The following ANAPC10 variants were observed in gnomAD, a reference collection of about 807,000 sequenced individuals.
ANAPC10 encodes the protein anaphase promoting complex subunit 10.
A neutral mutation model predicts 22.0 loss-of-function variants in ANAPC10; 12 were observed. The ratio of observed to expected loss-of-function variants is 0.55; its 90% CI spans 0.35 to 0.88. The LOEUF (loss-of-function observed/expected upper bound fraction) is 0.88, where lower values mean the gene tolerates loss of function less well. Ranked by LOEUF, ANAPC10 falls within the 40% of genes least tolerant of loss-of-function variation. The probability of loss-of-function intolerance (pLI) is 0.01; values close to 1 mark genes in which losing one functional copy is unlikely to be tolerated. For missense variants in ANAPC10, 188 were observed against 220.9 expected (o/e 0.85, Z 0.94); for synonymous variants, 65 against 69.5 (o/e 0.94, Z 0.32).
chr4:145,016,541 T>C (rs577785187), intron 4 of ANAPC10, among the ~76,000 whole-genome samples: 405 of 152,240 alleles, frequency 2.7e-3, no homozygotes, highest in African/African-American at 9.1e-3. Flanking sequence ...AATGGCCATA[T>C]TGCCCAAGGT....
intron 4 of ANAPC10, among the ~76,000 whole-genome samples, chr4:145,009,654 C>T (rs1733982024): frequency 6.6e-6 from 1 of 152,096 alleles, no homozygotes; most frequent in African/African-American, 2.4e-5. Flanking sequence ...TTCCTTACAC[C>T]TTACACAAAA....
chr4:145,004,947 G>A (rs1443581274), intron 4 of ANAPC10, among the ~76,000 whole-genome samples: 2 of 152,240 alleles, frequency 1.3e-5, no homozygotes, highest in East Asian at 3.9e-4. Flanking sequence ...AGTAGAATTT[G>A]GCTATGGATA....
chr4:145,097,514 A>G, intron 1 of ANAPC10: 1 of 1,287,208 alleles, frequency 7.8e-7, no homozygotes, highest in Non-Finnish European at 1.0e-6. Context: ...GACACCTCCC[A>G]TTGTATCCGA....
At chr4:145,010,527 C>T (rs555330385) in intron 4 of ANAPC10, among the ~76,000 whole-genome samples, 1 of 152,238 alleles carries the variant, frequency 6.6e-6, no homozygotes, top group South Asian at 2.1e-4. Flanking sequence ...TTTGTAGGGA[C>T]ATGCATGAAG....
At position 145,026,957 on chromosome 4, in the gene ANAPC10, G is replaced by GTGTGTATATA. The variant is rs1343774253; in HGVS notation, c.328-31355_328-31354insTATATACACA. Among the ~76,000 whole-genome samples the GTGTGTATATA allele has an allele frequency of 6.7e-3, 122 of 18,326 alleles. 9 individuals carry two copies. The highest frequency in any genetic ancestry group is 0.013 in the South Asian group (3 of 224). 12.0% of individuals were successfully genotyped at this position (18,326 alleles called of 152,430 possible). A position where few individuals can be genotyped will look rare whatever the true frequency, so the allele number is the denominator to read the frequency against. On this transcript the variant is annotated intron_variant, in intron 4 of 4. Coordinates refer to ENST00000507656, the MANE Select transcript of ANAPC10 (RefSeq NM_001256706.2). ...TATATATATATATATGTGTGTGTGT[G>GTGTGTATATA]TATATATATATATATATATATATAT...
chr4:145,026,993 T>A (rs1282887117), intron 4 of ANAPC10, among the ~76,000 whole-genome samples: 357 of 18,612 alleles, frequency 0.019, no homozygotes, highest in Non-Finnish European at 0.022. Context: ...ATATATTTTT[T>A]TTTTTTTTTT....
chr4:145,065,436 T>C (rs1414733279), intron 3 of ANAPC10, among the ~76,000 whole-genome samples: 1 of 151,982 alleles, frequency 6.6e-6, no homozygotes, highest in Non-Finnish European at 1.5e-5. Context: ...CAAATTTGAT[T>C]AGAAAAAGGT....
chr4:145,087,420 G>A lies in ANAPC10; in HGVS notation c.116-5670C>T, dbSNP rs546999758. 7.9e-5 allele frequency among the ~76,000 whole-genome samples: 12 copies of A among 151,968 alleles called. No homozygotes were observed. The South Asian group carries it at 2.1e-3, about 26-fold the overall frequency. ...TGCCCTGGCTGGAGTACAGTGGTAC[G>A]ATCACAGCTCACTGCAGCCTCAACC... On this transcript the variant is annotated intron_variant, in intron 2 of 4. Coordinates refer to ENST00000507656, the MANE Select transcript of ANAPC10 (RefSeq NM_001256706.2).
chr4:145,000,994 T>C (rs1256904178), intron 4 of ANAPC10, among the ~76,000 whole-genome samples: 2 of 151,830 alleles, frequency 1.3e-5, no homozygotes, highest in African/African-American at 2.4e-5. Flanking sequence ...AATTGAACAA[T>C]GAGAACACTT....
chr4:145,046,747 T>A (rs925259914), intron 4 of ANAPC10, among the ~76,000 whole-genome samples: 1 of 152,066 alleles, frequency 6.6e-6, no homozygotes, highest in African/African-American at 2.4e-5. Context: ...CTCTGTCCAG[T>A]TGCAACAGAG....
At chr4:145,004,876 G>A (rs1196257071) in intron 4 of ANAPC10, among the ~76,000 whole-genome samples, 1 of 152,036 alleles carries the variant, frequency 6.6e-6, no homozygotes, top group African/African-American at 2.4e-5. Flanking sequence ...GAATGAATTA[G>A]GGGAGTCCCT....
At chr4:145,033,892 A>C (rs1044981619) in intron 4 of ANAPC10, among the ~76,000 whole-genome samples, 1 of 152,216 alleles carries the variant, frequency 6.6e-6, no homozygotes, top group African/African-American at 2.4e-5. Flanking sequence ...TTGTACTAAG[A>C]AAATATCTTC....
chr4:145,068,949 T>C (rs1346300960), intron 3 of ANAPC10, among the ~76,000 whole-genome samples: 1 of 152,180 alleles, frequency 6.6e-6, no homozygotes, highest in African/African-American at 2.4e-5. Flanking sequence ...CAATGTTAAC[T>C]AGATGCTAAG....
At chr4:145,082,157 A>G (rs1423889120) in intron 2 of ANAPC10, among the ~76,000 whole-genome samples, 3 of 152,122 alleles carry the variant, frequency 2.0e-5, no homozygotes, top group Admixed American at 2.0e-4. Context: ...AGGAGATATT[A>G]TATTTTTTTG....
intron 4 of ANAPC10, among the ~76,000 whole-genome samples, chr4:145,048,056 T>C (rs1740583599): frequency 6.6e-6 from 1 of 152,172 alleles, no homozygotes; most frequent in South Asian, 2.1e-4. Context: ...TAAGATCACA[T>C]GCTTATATCA....
At chr4:145,069,418 A>C (rs1744170921) in intron 3 of ANAPC10, among the ~76,000 whole-genome samples, 1 of 152,234 alleles carries the variant, frequency 6.6e-6, no homozygotes, top group Admixed American at 6.5e-5. Context: ...ACATGCATAC[A>C]GCAAAACTTC....
rs953199337 is a variant in ANAPC10 at position 145,010,512 on chromosome 4, T to G, written c.328-14909A>C. On this transcript the variant is annotated intron_variant, in intron 4 of 4. Coordinates refer to ENST00000507656, the MANE Select transcript of ANAPC10 (RefSeq NM_001256706.2). Reference sequence around the variant, plus strand: ...GCAGCCATAAAAAAGGATGAGTTCTTGTCCTTTGTAGGGACATGCATGAAG... The same window carrying G: ...GCAGCCATAAAAAAGGATGAGTTCTGGTCCTTTGTAGGGACATGCATGAAG... 1.2e-4 allele frequency among the ~76,000 whole-genome samples: 18 copies of G among 152,314 alleles called. No homozygotes were observed. In the South Asian group the frequency reaches 1.7e-3, roughly 14 times the overall value.
At position 145,013,977 on chromosome 4, in the gene ANAPC10, G is replaced by A. The variant is rs555068543; in HGVS notation, c.328-18374C>T. 4.1e-3 allele frequency among the ~76,000 whole-genome samples: 627 copies of A among 152,212 alleles called. 6 individuals carry two copies. The highest frequency in any genetic ancestry group is 0.014 in the African/African-American group (587 of 41,496). ...CAGGCCATTCTTGCCTGGCATCACA[G>A]GGATCCTTCAGGAGGGCGGCCAGCG... On this transcript the variant is annotated intron_variant, in intron 4 of 4. Coordinates refer to ENST00000507656, the MANE Select transcript of ANAPC10 (RefSeq NM_001256706.2).
chr4:145,081,881 T>A (rs543696011), intron 2 of ANAPC10, 131 bp from the exon 3 acceptor site: 33 of 710,664 alleles, frequency 4.6e-5, no homozygotes, highest in Admixed American at 1.2e-4. Context: ...AATTTTTTTT[T>A]ATTTATTTTT....
Sources: gnomAD v4.1 joint callset for allele counts (sites outside exome capture counted in the v4.1 genomes callset) on GRCh38, gnomAD v4.1.1 for gene constraint, MANE v1.5 for transcripts, NCBI Gene and HGNC (gene_info 2026-07-23, HGNC 2026-07-21) for gene names.